Variants in DISC1 observed in about 807,000 individuals in gnomAD.
DISC1 encodes the protein DISC1 scaffold protein.
In DISC1, 57 loss-of-function variants were observed where a neutral mutation model predicts 84.5. The observed-to-expected ratio is 0.67, with a 90% confidence interval of 0.55 to 0.84. The LOEUF (loss-of-function observed/expected upper bound fraction) is 0.84. Among genes scored for constraint, DISC1 ranks in the 40% least tolerant of loss-of-function variants. The probability of loss-of-function intolerance (pLI) is 0.00; values close to 1 mark genes in which losing one functional copy is unlikely to be tolerated. For missense variants in DISC1, 1,000 were observed against 1,057.8 expected (o/e 0.95, Z 0.76); for synonymous variants, 411 against 415.2 (o/e 0.99, Z 0.12).
At chr1:231,833,112 G>T (rs548261104) in intron 9 of DISC1, among the ~76,000 whole-genome samples, 1 of 150,324 alleles carries the variant, frequency 6.7e-6, no homozygotes, top group Non-Finnish European at 1.5e-5. Context: ...AAGAAGGGCG[G>T]CAATGAGATT....
chr1:231,928,540 C>T (rs907296618), intron 9 of DISC1, among the ~76,000 whole-genome samples: 4 of 152,064 alleles, frequency 2.6e-5, no homozygotes, highest in South Asian at 2.1e-4. Context: ...AAGGGTTTTT[C>T]GTGTCTCTTA....
intron 9 of DISC1, among the ~76,000 whole-genome samples, chr1:231,840,900 A>G (rs1158001140): frequency 6.6e-6 from 1 of 151,990 alleles, no homozygotes; most frequent in South Asian, 2.1e-4. Context: ...AGTGAATTTT[A>G]CTGCGTGTAA....
intron 6 of DISC1, among the ~76,000 whole-genome samples, chr1:231,783,576 G>T (rs2077593486): frequency 6.6e-6 from 1 of 152,168 alleles, no homozygotes; most frequent in Admixed American, 6.5e-5. Flanking sequence ...GGAGTATTTG[G>T]ATAAGCCAAA....
chr1:231,762,471 ACTACAAGCACGTGCCACTGTGC>A (rs2075821891), intron 4 of DISC1, among the ~76,000 whole-genome samples: 3 of 148,618 alleles, frequency 2.0e-5, no homozygotes, highest in Non-Finnish European at 4.4e-5. Flanking sequence ...AGTAGCTGGG[ACTACAAGCACGTGCCACTGTGC>A]CTAATTTTTA....
rs1035192803 is a variant in DISC1 at position 232,031,286 on chromosome 1, AAAG to A, written c.2425+4736_2425+4738del. On this transcript the variant is annotated intron_variant, in intron 12 of 12. Transcript: ENST00000439617. The surrounding 1 kb of genome is among the most constrained non-coding windows in gnomAD (Gnocchi z 4.6). ...AAAGATAAAGAAAGAAAAAGAAAGA[AAAG>A]AGGAAGGAAGGAAGGAGAGAGGGAA... is the stretch of plus-strand genomic sequence containing the variant. Among the ~76,000 whole-genome samples the A allele has an allele frequency of 6.3e-5, 9 of 143,928 alleles. No individual in the cohort carries two copies. The South Asian group carries it at 1.3e-3, about 21-fold the overall frequency. 94.4% of individuals were successfully genotyped at this position (143,928 alleles called of 152,430 possible). A position where few individuals can be genotyped will look rare whatever the true frequency, so the allele number is the denominator to read the frequency against.
At chr1:231,752,313 G>T (rs2074684990) in intron 4 of DISC1, among the ~76,000 whole-genome samples, 1 of 152,114 alleles carries the variant, frequency 6.6e-6, no homozygotes, top group South Asian at 2.1e-4. Context: ...TTCTGGGGAG[G>T]CCTCAGTAAA....
chr1:231,642,306 A>G (rs546577453), intron 1 of DISC1, among the ~76,000 whole-genome samples: 20 of 152,186 alleles, frequency 1.3e-4, no homozygotes, highest in Non-Finnish European at 2.5e-4. Flanking sequence ...CCTGCCTGCA[A>G]GCTGAGGGAG....
chr1:231,748,346 C>G (rs906513480), intron 3 of DISC1, among the ~76,000 whole-genome samples: 1 of 152,152 alleles, frequency 6.6e-6, no homozygotes, highest in African/African-American at 2.4e-5. Flanking sequence ...CAGCATTTCC[C>G]CATTCAGTAA....
At chr1:231,850,676 GGAAAA>G (rs1558649747) in intron 9 of DISC1, among the ~76,000 whole-genome samples, 1 of 152,164 alleles carries the variant, frequency 6.6e-6, no homozygotes, top group Non-Finnish European at 1.5e-5. Flanking sequence ...GAAGAAAAGT[GGAAAA>G]GAAGAGATTT....
At chr1:231,767,360 T>C (rs978247655) in intron 5 of DISC1, 91 bp downstream of exon 5, 3 of 1,539,554 alleles carry the variant, frequency 1.9e-6, no homozygotes, top group African/African-American at 2.7e-5. Flanking sequence ...TGGAGGGCAG[T>C]GGTGCAATCA....
intron 8 of DISC1, among the ~76,000 whole-genome samples, chr1:231,814,272 C>T (rs2080652898): frequency 6.6e-6 from 1 of 152,112 alleles, no homozygotes. Flanking sequence ...TTTTAGTTCT[C>T]CAGATTTCCG....
chr1:231,722,779 C>T lies in DISC1; in HGVS notation c.1117+20755C>T. The T allele has an allele frequency of 2.0e-6, 3 of 1,475,754 alleles. No individual in the cohort carries two copies. In the South Asian group the frequency reaches 4.2e-5, roughly 20 times the overall value. The allele number at this position is 1,475,754 out of a possible 1,614,324, so 91.4% of individuals were successfully genotyped here. ...AACATTATTTCAGGATAGCAGCTGT[C>T]TGGATGCTGGCCATGGGCTTGAAAA... On this transcript the variant is annotated intron_variant, in intron 3 of 12. Transcript: ENST00000439617.
intron 11 of DISC1, among the ~76,000 whole-genome samples, chr1:232,017,610 A>C (rs1412951411): frequency 6.6e-6 from 1 of 151,968 alleles, no homozygotes; most frequent in Non-Finnish European, 1.5e-5. Context: ...CGAAGGAAAT[A>C]AGGATCTGGG....
chr1:231,923,334 A>C (rs1172291904), intron 9 of DISC1, among the ~76,000 whole-genome samples: 1 of 151,738 alleles, frequency 6.6e-6, no homozygotes, highest in Non-Finnish European at 1.5e-5. Context: ...AGAAAAAGAA[A>C]TCCGTTTTCG....
At chr1:231,668,570 AATTTGCTGC>A in intron 1 of DISC1, among the ~76,000 whole-genome samples, 3 of 152,082 alleles carry the variant, frequency 2.0e-5, no homozygotes, top group African/African-American at 7.2e-5. Flanking sequence ...TGAAAGTCTC[AATTTGCTGC>A]TAGTGCATCT....
intron 9 of DISC1, among the ~76,000 whole-genome samples, chr1:231,914,872 T>C (rs1470271176): frequency 6.6e-6 from 1 of 152,196 alleles, no homozygotes; most frequent in Non-Finnish European, 1.5e-5. Context: ...CAAATGATAG[T>C]CAAGACAGGA....
intron 3 of DISC1, among the ~76,000 whole-genome samples, chr1:231,715,472 G>A (rs894781772): frequency 4.6e-5 from 7 of 152,206 alleles, no homozygotes; most frequent in African/African-American, 1.7e-4. Flanking sequence ...ATTTTCCAGA[G>A]ACTTTTGTCT....
At chr1:231,941,515 C>CT (rs2091342003) in intron 9 of DISC1, among the ~76,000 whole-genome samples, 1 of 151,562 alleles carries the variant, frequency 6.6e-6, no homozygotes, top group African/African-American at 2.4e-5. Context: ...GCTCTGTCAC[C>CT]AGGCTGGAGT....
chr1:231,818,844 C>G, intron 9 of DISC1: 3 of 1,129,706 alleles, frequency 2.7e-6, no homozygotes, highest in Non-Finnish European at 3.3e-6. Context: ...CAATTATCTT[C>G]CTTTTGTCCC....
Sources: allele counts gnomAD v4.1 joint callset (sites outside exome capture counted in the v4.1 genomes callset), GRCh38; gene constraint gnomAD v4.1.1; non-coding constraint Gnocchi (gnomAD v3.1); transcripts MANE v1.5; gene names NCBI Gene and HGNC (gene_info 2026-07-23, HGNC 2026-07-21).